Variants in KCNC1 observed in about 807,000 individuals in gnomAD.
KCNC1 encodes potassium voltage-gated channel subfamily C member 1.
A neutral mutation model predicts 43.4 loss-of-function variants in KCNC1; 8 were observed. That is an observed-to-expected ratio of 0.18 (90% CI 0.11 to 0.33). KCNC1 has a LOEUF of 0.33. Among genes scored for constraint, KCNC1 ranks in the 10% least tolerant of loss-of-function variants. The pLI is 1.00. For missense variants in KCNC1, 420 were observed against 836.0 expected, an observed-to-expected ratio of 0.50 and a Z score of 6.14; for synonymous variants, 361 against 360.5, an observed-to-expected ratio of 1.00 and a Z score of -0.01.
intron 1 of KCNC1, among the ~76,000 whole-genome samples, chr11:17,768,447 T>C (rs1849179764): frequency 6.6e-6 from 1 of 151,860 alleles, no homozygotes; most frequent in Non-Finnish European, 1.5e-5. Context: ...TGTGCCAGGC[T>C]GGGGAATTTG....
intron 1 of KCNC1, among the ~76,000 whole-genome samples, chr11:17,760,610 T>C (rs1849066877): frequency 1.3e-5 from 2 of 152,124 alleles, no homozygotes; most frequent in Admixed American, 1.3e-4. Context: ...CCTAGGGCCC[T>C]CTGTACCTGC....
At chr11:17,757,668 A>T (rs890660503) in intron 1 of KCNC1, among the ~76,000 whole-genome samples, 2 of 152,242 alleles carry the variant, frequency 1.3e-5, no homozygotes, top group Non-Finnish European at 2.9e-5. Flanking sequence ...TAAAGTGAAT[A>T]TCACAATAAA....
chr11:17,767,647 A>T (rs1010606797), intron 1 of KCNC1, among the ~76,000 whole-genome samples: 1 of 152,228 alleles, frequency 6.6e-6, no homozygotes, highest in African/African-American at 2.4e-5. Flanking sequence ...CTTCCTCCAC[A>T]GCACTCTAAG....
chr11:17,777,052 C>T lies in KCNC1; in HGVS notation c.1505-2404C>T. ...GGAAAGGTGCCAGGCTATCATCCCT[C>T]CAGGGATCCCTGATGGATGTTCCTT... On this transcript the variant is annotated intron_variant, in intron 2 of 3. Transcript: ENST00000265969. This position sits in a 1 kb window ranked among gnomAD's most constrained non-coding sequence, Gnocchi z 4.3. 5 of 985,290 alleles carry T rather than the reference C, an allele frequency of 5.1e-6. No individual in the cohort carries two copies. Among genetic ancestry groups the T allele is most frequent in the Non-Finnish European group, 6.0e-6 (5 of 829,896 alleles). 61.0% of individuals were successfully genotyped at this position (985,290 alleles called of 1,614,324 possible).
chr11:17,738,173 C>T (rs1208433452), intron 1 of KCNC1, among the ~76,000 whole-genome samples: 2 of 152,134 alleles, frequency 1.3e-5, no homozygotes, highest in African/African-American at 2.4e-5. Context: ...ACTCAATTCT[C>T]CTGGGACCCT....
At chr11:17,745,413 C>T (rs1041010361) in intron 1 of KCNC1, among the ~76,000 whole-genome samples, 2 of 152,164 alleles carry the variant, frequency 1.3e-5, no homozygotes, top group Non-Finnish European at 2.9e-5. Flanking sequence ...CAAGTACACT[C>T]GGAATCTGAG....
rs1848770888 is a variant in KCNC1, at chr11:17,736,645, G to A, written c.570+73G>A. 2.8e-6 allele frequency: 4 copies of A among 1,442,930 alleles called. No homozygotes were observed. Among genetic ancestry groups the A allele is most frequent in the African/African-American group, 2.9e-5 (2 of 69,536 alleles). The allele number at this position is 1,442,930 out of a possible 1,614,324, so 89.4% of individuals were successfully genotyped here. A position where few individuals can be genotyped will look rare whatever the true frequency, so the allele number is the denominator to read the frequency against. On this transcript the variant is annotated intron_variant, in intron 1 of 3. Coordinates refer to ENST00000265969, the MANE Select transcript of KCNC1 (RefSeq NM_001112741.2). The surrounding 1 kb of genome is among the most constrained non-coding windows in gnomAD (Gnocchi z 9.3). ...CCTGTGCCTCCCCGCGGGCAGGGGT[G>A]GACCGGAGAACTGGCGCCTAGGGAG...
intron 2 of KCNC1, chr11:17,774,069 C>T: frequency 2.0e-6 from 2 of 985,534 alleles, no homozygotes; most frequent in Non-Finnish European, 2.4e-6. Flanking sequence ...GAGCACTACC[C>T]TCAAGGCCCA....
rs76929858 is a variant in KCNC1 at position 17,736,074 on chromosome 11, G to A, written c.72G>A (p.Ser24=). Residue 24 remains serine, a synonymous_variant, in exon 1 of 4, where the codon TCG becomes TCA. Transcript: ENST00000265969. This position sits in a 1 kb window ranked among gnomAD's most constrained non-coding sequence, Gnocchi z 9.3. ...GCACGCGCCACCAGACGTACCGCTC[G>A]ACCCTGCGCACGCTGCCCGGCACGC... ...VGGTRHQTYR[S]TLRTLPGTRL... 8,661 of 1,601,310 alleles carry A rather than the reference G, an allele frequency of 5.4e-3. 408 individuals carry two copies. The African/African-American group carries it at 0.1, about 19-fold the overall frequency.
chr11:17,764,049 AC>A lies in KCNC1; in HGVS notation c.571-7611del, dbSNP rs200741327. Among the ~76,000 whole-genome samples, 239 of 93,050 alleles carry A rather than the reference AC, an allele frequency of 2.6e-3. 11 individuals carry two copies. In the East Asian group the frequency reaches 0.03, roughly 12 times the overall value. The allele number at this position is 93,050 out of a possible 152,430, so 61.0% of individuals were successfully genotyped here. A position where few individuals can be genotyped will look rare whatever the true frequency, so the allele number is the denominator to read the frequency against. On this transcript the variant is annotated intron_variant, in intron 1 of 3. Transcript: ENST00000265969. Reference sequence around the variant, plus strand: ...CATATACACGCCCACACACACACATACCCCCACACATCACCCCACACATGCA... The same window carrying A: ...CATATACACGCCCACACACACACATACCCCACACATCACCCCACACATGCA...
chr11:17,768,399 C>T (rs1007594497), intron 1 of KCNC1, among the ~76,000 whole-genome samples: 1 of 152,104 alleles, frequency 6.6e-6, no homozygotes, highest in Non-Finnish European at 1.5e-5. Context: ...GGAGAGGACC[C>T]TGGGAAATCA....
Position 17,781,626 on chromosome 11 carries a change from C to T in KCNC1, c.1694-44C>T, listed in dbSNP as rs116950467. The T allele has an allele frequency of 2.5e-3, 3,358 of 1,363,432 alleles. 13 individuals carry two copies. Among genetic ancestry groups the T allele is most frequent in the Middle Eastern group, 3.7e-3 (21 of 5,618 alleles). 84.5% of individuals were successfully genotyped at this position (1,363,432 alleles called of 1,614,324 possible). On this transcript the variant is annotated intron_variant, in intron 3 of 3. Transcript: ENST00000265969. This position sits in a 1 kb window ranked among gnomAD's most constrained non-coding sequence, Gnocchi z 5.1. ...CTAAGTACCAAGCGGGATGGGAGAG[C>T]CAAGAAGAGAAGCTCAAGTGTTAAT...
intron 2 of KCNC1, chr11:17,772,923 C>A: frequency 1.7e-6 from 2 of 1,209,358 alleles, no homozygotes; most frequent in Non-Finnish European, 2.1e-6. Flanking sequence ...CTTGGTGGGG[C>A]AGGAGTCCGG....
At chr11:17,778,965 G>A (rs988619494) in intron 2 of KCNC1, among the ~76,000 whole-genome samples, 1 of 152,010 alleles carries the variant, frequency 6.6e-6, no homozygotes, top group Admixed American at 6.5e-5. Context: ...AGCTAGGGAA[G>A]CCCGAGCAAC....
At chr11:17,748,672 C>A in intron 1 of KCNC1, among the ~76,000 whole-genome samples, 1 of 152,124 alleles carries the variant, frequency 6.6e-6, no homozygotes, top group Middle Eastern at 3.2e-3. Flanking sequence ...TACCCAGAAC[C>A]CCACTGGCTC....
At chr11:17,743,387 AC>A (rs1848863235) in intron 1 of KCNC1, among the ~76,000 whole-genome samples, 1 of 151,424 alleles carries the variant, frequency 6.6e-6, no homozygotes, top group East Asian at 2.0e-4. Flanking sequence ...CTCCCTCCCC[AC>A]CATCCACTCT....
At chr11:17,754,902 A>C (rs1849007111) in intron 1 of KCNC1, among the ~76,000 whole-genome samples, 1 of 152,136 alleles carries the variant, frequency 6.6e-6, no homozygotes, top group African/African-American at 2.4e-5. Context: ...CATCTTAACC[A>C]CTCTAAACCT....
chr11:17,754,766 C>G (rs1288493000), intron 1 of KCNC1, among the ~76,000 whole-genome samples: 1 of 152,178 alleles, frequency 6.6e-6, no homozygotes, highest in Non-Finnish European at 1.5e-5. Context: ...GAGAGTCAAA[C>G]AACAAACATG....
intron 1 of KCNC1, among the ~76,000 whole-genome samples, chr11:17,751,372 G>A (rs1373750747): frequency 6.6e-6 from 1 of 152,238 alleles, no homozygotes; most frequent in Non-Finnish European, 1.5e-5. Flanking sequence ...AGGAGACACA[G>A]CTGGGTGACT....
Sources: gnomAD v4.1 joint callset for allele counts (sites outside exome capture counted in the v4.1 genomes callset) on GRCh38, gnomAD v4.1.1 for gene constraint, Gnocchi (gnomAD v3.1) non-coding constraint, MANE v1.5 for transcripts, NCBI Gene and HGNC (gene_info 2026-07-23, HGNC 2026-07-21) for gene names.